SLC2A2: variants seen among roughly 807,000 people sequenced by gnomAD.
The protein encoded by SLC2A2 is solute carrier family 2, facilitated glucose transporter member 2.
A neutral mutation model predicts 54.5 loss-of-function variants in SLC2A2; 36 were observed. That is an observed-to-expected ratio of 0.66 (90% CI 0.51 to 0.87). The LOEUF is 0.87. Ranked by LOEUF, SLC2A2 falls within the 40% of genes least tolerant of loss-of-function variation. SLC2A2 has a pLI of 0.00. For synonymous variants in SLC2A2, 223 were observed against 219.1 expected, an observed-to-expected ratio of 1.02 and a Z score of -0.16; for missense variants, 543 against 624.3, an observed-to-expected ratio of 0.87 and a Z score of 1.39.
intron 2 of SLC2A2, among the ~76,000 whole-genome samples, chr3:171,015,642 G>A (rs1354368776): frequency 6.6e-6 from 1 of 152,106 alleles, no homozygotes; most frequent in Non-Finnish European, 1.5e-5. Context: ...TTAGCATACA[G>A]AATTCAAACA....
At chr3:171,020,563 T>C (rs987891431) in intron 1 of SLC2A2, among the ~76,000 whole-genome samples, 2 of 152,170 alleles carry the variant, frequency 1.3e-5, no homozygotes, top group Admixed American at 1.3e-4. Context: ...ATATATGTGA[T>C]ATATAATATT....
chr3:171,005,631 T>C (rs989757966), intron 6 of SLC2A2, among the ~76,000 whole-genome samples, 159 bp from the exon 7 acceptor site: 2 of 152,196 alleles, frequency 1.3e-5, no homozygotes, highest in South Asian at 4.1e-4. Context: ...TCCTGCTCTT[T>C]GATTTAAAAG....
chr3:171,006,929 T>C (rs1715637452), intron 5 of SLC2A2, among the ~76,000 whole-genome samples: 1 of 152,040 alleles, frequency 6.6e-6, no homozygotes, highest in African/African-American at 2.4e-5. Context: ...TGATAATAAT[T>C]TACCTTTGAA....
chr3:170,998,405 A>G lies in SLC2A2; in HGVS notation c.1171-9T>C, dbSNP rs752248605. 1.9e-6 allele frequency: 3 copies of G among 1,610,664 alleles called. No homozygotes were observed. Among genetic ancestry groups the G allele is most frequent in the East Asian group, 4.5e-5 (2 of 44,822 alleles). On this transcript the variant is annotated splice_polypyrimidine_tract_variant and intron_variant, in intron 9 of 10. Coordinates refer to ENST00000314251, the MANE Select transcript of SLC2A2 (RefSeq NM_000340.2). ...ATCCAAGAGAACTTATTCTGAGGAA[A>G]AAAACAAAAACAATAGTGGGACTGA...
At chr3:171,017,080 G>A (rs1467097922) in intron 2 of SLC2A2, among the ~76,000 whole-genome samples, 19 of 152,100 alleles carry the variant, frequency 1.2e-4, no homozygotes, top group African/African-American at 4.1e-4. Context: ...TCGAACTCCC[G>A]ACCTCAGGTG....
intron 3 of SLC2A2, among the ~76,000 whole-genome samples, chr3:171,012,867 C>A (rs752989160): frequency 2.0e-5 from 3 of 152,032 alleles, no homozygotes; most frequent in Non-Finnish European, 2.9e-5. Context: ...TCATTTGATA[C>A]GTGGTCATTT....
chr3:171,006,827 T>A (rs946351521), intron 5 of SLC2A2, among the ~76,000 whole-genome samples: 3 of 152,042 alleles, frequency 2.0e-5, no homozygotes, highest in Non-Finnish European at 4.4e-5. Flanking sequence ...ATGGAATAAT[T>A]TAACTCTAGA....
At chr3:171,006,146 T>C in intron 5 of SLC2A2, 41 bp from the exon 6 acceptor site, 2 of 1,572,610 alleles carry the variant, frequency 1.3e-6, no homozygotes, top group Non-Finnish European at 1.7e-6. Flanking sequence ...ACATAATACT[T>C]TGGATCTACC....
At chr3:171,003,536 A>T (rs1428392265) in intron 7 of SLC2A2, among the ~76,000 whole-genome samples, 5 of 151,924 alleles carry the variant, frequency 3.3e-5, no homozygotes, top group African/African-American at 7.2e-5. Flanking sequence ...TATTAAACAG[A>T]CATATAGTAC....
In SLC2A2 at chr3:171,002,679, A is replaced by T. The variant is rs767670296; in HGVS notation, c.965T>A (p.Ile322Asn). The part of the protein sequence containing the change: ...VAQQFSGING[I>N]FYYSTSIFQT... ...AAAAATGCTGGTTGAGTAGTAAAAA[A>T]TCTGCAAAGTAAAAACAGGTTAGCC... The change falls in exon 8 of 11, where the codon ATT becomes AAT. Residue 322 changes from isoleucine (I) to asparagine (N), a missense_variant and splice_region_variant. This residue lies in a region of SLC2A2 where 117 missense variants were observed against 179.2 expected (regional missense o/e 0.65). Coordinates refer to ENST00000314251, the MANE Select transcript of SLC2A2 (RefSeq NM_000340.2). 4 of 1,586,640 alleles carry T rather than the reference A, an allele frequency of 2.5e-6. No individual in the cohort carries two copies. The African/African-American group carries it at 4.0e-5, about 16-fold the overall frequency.
chr3:170,998,222 T>A lies in SLC2A2; in HGVS notation c.1345A>T (p.Ile449Phe). ...ATGTACTGGAAACACAGAGCTACAA[T>A]GAAATTGCAGGTCCAATTGCTGAAT... ...AAFSNWTCNF[I>F]VALCFQYIAD... is the part of the protein sequence containing the mutation. The change falls in exon 10 of 11, where the codon ATT (isoleucine) becomes TTT (phenylalanine). Residue 449 changes from isoleucine (I) to phenylalanine (F), a missense_variant. Physicochemically the swap from Ile to Phe is conservative, Grantham distance 21 (BLOSUM62 0). Coordinates refer to ENST00000314251, the MANE Select transcript of SLC2A2 (RefSeq NM_000340.2). 1 of 1,613,810 alleles carries A rather than the reference T, an allele frequency of 6.2e-7. No homozygotes were observed. Among genetic ancestry groups the A allele is most frequent in the Non-Finnish European group, 8.5e-7 (1 of 1,179,802 alleles).
intron 1 of SLC2A2, among the ~76,000 whole-genome samples, chr3:171,019,154 T>TATATAC (rs1156516432): frequency 2.2e-5 from 2 of 90,228 alleles, no homozygotes. Flanking sequence ...TATATATATA[T>TATATAC]ACGTATGTAT....
At chr3:171,015,652 ACTAG>A (rs1442793434) in intron 2 of SLC2A2, among the ~76,000 whole-genome samples, 2 of 152,266 alleles carry the variant, frequency 1.3e-5, no homozygotes, top group Non-Finnish European at 2.9e-5. Flanking sequence ...GAATTCAAAC[ACTAG>A]ATGGTGTATC....
chr3:170,996,416 G>A lies in SLC2A2; in HGVS notation c.*1487C>T, dbSNP rs1246522538. 3.1e-5 allele frequency: 12 copies of A among 390,048 alleles called. No individual in the cohort carries two copies. The highest frequency in any genetic ancestry group is 2.7e-5 in the Non-Finnish European group (6 of 220,878). The allele number at this position is 390,048 out of a possible 1,614,324, so 24.2% of individuals were successfully genotyped here. ...TATGTGAACAACTTTAGAAAACAAA[G>A]CAAATGTTCAGTGGTTTTTAATTAT... On this transcript the variant is annotated 3_prime_UTR_variant, in exon 11 of 11. Coordinates refer to ENST00000314251, the MANE Select transcript of SLC2A2 (RefSeq NM_000340.2).
chr3:171,020,925 A>G (rs1272062979), intron 1 of SLC2A2, among the ~76,000 whole-genome samples: 2 of 150,768 alleles, frequency 1.3e-5, no homozygotes, highest in Non-Finnish European at 3.0e-5. Flanking sequence ...TATCATTTAC[A>G]TCTGATATTT....
At chr3:171,010,535 G>A (rs1283939073) in intron 3 of SLC2A2, among the ~76,000 whole-genome samples, 1 of 152,034 alleles carries the variant, frequency 6.6e-6, no homozygotes, top group Non-Finnish European at 1.5e-5. Flanking sequence ...TAAGTTGATT[G>A]TTTTAAAGAA....
At chr3:171,008,002 A>G (rs1401240500) in intron 4 of SLC2A2, among the ~76,000 whole-genome samples, 3 of 152,120 alleles carry the variant, frequency 2.0e-5, no homozygotes, top group Middle Eastern at 3.2e-3. Flanking sequence ...TTAAATGCAC[A>G]TGTAATCAGT....
intron 8 of SLC2A2, among the ~76,000 whole-genome samples, chr3:171,000,765 T>C (rs1715298927): frequency 6.6e-6 from 1 of 152,116 alleles, no homozygotes; most frequent in African/African-American, 2.4e-5. Context: ...CTGATGTTCT[T>C]CCAATTTGGT....
rs1716051069 is a variant in SLC2A2 at position 171,014,669 on chromosome 3, G to T, written c.171C>A (p.Asn57Lys). ...CATCTGTACTGTTGATAACATAGTTGTTGATAGCTTTTCGGTCATCCAGTG... is the reference window on the plus strand; with the variant it reads ...CATCTGTACTGTTGATAACATAGTTTTTGATAGCTTTTCGGTCATCCAGTG... ...GVPLDDRKAI[N>K]NYVINSTDEL... Residue 57 changes from asparagine to lysine, a missense_variant, in exon 3 of 11, where the codon AAC becomes AAA. By Grantham distance (94) the Asn-to-Lys change is moderately conservative (BLOSUM62 0). Transcript: ENST00000314251. 2 of 1,613,968 alleles carry T rather than the reference G, an allele frequency of 1.2e-6. No homozygotes were observed. Among genetic ancestry groups the T allele is most frequent in the Non-Finnish European group, 1.7e-6 (2 of 1,179,848 alleles).
Sources: allele counts gnomAD v4.1 joint callset (sites outside exome capture counted in the v4.1 genomes callset), GRCh38; gene constraint gnomAD v4.1.1; regional missense constraint gnomAD v4.1.1; transcripts MANE v1.5; gene names NCBI Gene and HGNC (gene_info 2026-07-23, HGNC 2026-07-21).